Variants in AVEN observed in about 807,000 individuals in gnomAD.
AVEN encodes the protein cell death regulator Aven.
Under a neutral mutation model 38.1 loss-of-function variants are expected in AVEN, and 41 were observed. That is an observed-to-expected ratio of 1.08 (90% CI 0.84 to 1.40). The LOEUF (loss-of-function observed/expected upper bound fraction) is 1.40, where lower values mean the gene tolerates loss of function less well. Ranked by LOEUF, AVEN falls within the 40% of genes most tolerant of loss-of-function variation. The pLI is 0.00. For synonymous variants in AVEN, 206 were observed against 171.8 expected (o/e 1.20, Z -1.56); for missense variants, 605 against 438.8 (o/e 1.38, Z -3.38).
chr15:33,865,519 T>C (rs888600623), downstream of AVEN: 2 of 337,502 alleles, frequency 5.9e-6, no homozygotes, highest in African/African-American at 2.1e-5. Flanking sequence ...GTTCAGTTTG[T>C]TGGGATGGAA....
At chr15:33,982,051 G>C in intron 2 of AVEN, among the ~76,000 whole-genome samples, 1 of 150,750 alleles carries the variant, frequency 6.6e-6, no homozygotes, top group East Asian at 1.9e-4. Flanking sequence ...TTTATTAGTA[G>C]AGACAAGATT....
At chr15:34,021,851 A>C (rs966511034) in intron 1 of AVEN, among the ~76,000 whole-genome samples, 3 of 152,040 alleles carry the variant, frequency 2.0e-5, no homozygotes, top group Non-Finnish European at 4.4e-5. Context: ...GCAAGACTCC[A>C]TCTCAAAAAT....
At chr15:33,889,325 C>T (rs183880243) in intron 2 of AVEN, among the ~76,000 whole-genome samples, 1 of 152,288 alleles carries the variant, frequency 6.6e-6, no homozygotes, top group Admixed American at 6.5e-5. Flanking sequence ...AAAACCTTTT[C>T]CCACCAATGC....
chr15:33,936,248 A>G (rs576899836), intron 2 of AVEN, among the ~76,000 whole-genome samples: 1 of 152,342 alleles, frequency 6.6e-6, no homozygotes, highest in African/African-American at 2.4e-5. Flanking sequence ...AACTCTGCAT[A>G]CAGACAACAC....
At chr15:33,916,236 T>C (rs1475927455) in intron 2 of AVEN, among the ~76,000 whole-genome samples, 1 of 152,056 alleles carries the variant, frequency 6.6e-6, no homozygotes, top group East Asian at 1.9e-4. Flanking sequence ...ACTTGTGCAA[T>C]AAACAAAACT....
intron 2 of AVEN, among the ~76,000 whole-genome samples, chr15:33,881,859 A>G (rs919205350): frequency 6.6e-6 from 1 of 152,214 alleles, no homozygotes. Context: ...TACTAAACAC[A>G]TGGTGGATCT....
downstream of AVEN, among the ~76,000 whole-genome samples, chr15:33,855,357 C>A (rs183074392): frequency 1.8e-4 from 28 of 152,324 alleles, no homozygotes; most frequent in East Asian, 4.6e-3. Flanking sequence ...GCACATGCCA[C>A]CATGCCCGGC....
chr15:33,889,430 C>T (rs1417017939), intron 2 of AVEN, among the ~76,000 whole-genome samples: 2 of 152,150 alleles, frequency 1.3e-5, no homozygotes, highest in Non-Finnish European at 1.5e-5. Flanking sequence ...TTTGTGCACA[C>T]TATGAGCTTA....
chr15:33,917,407 TACTATATATATACACAC>T (rs1893183662), intron 2 of AVEN, among the ~76,000 whole-genome samples: 2 of 147,116 alleles, frequency 1.4e-5, no homozygotes, highest in African/African-American at 5.0e-5. Context: ...CATGGAATAC[TACTATATATATACACAC>T]ACTATATATA....
downstream of AVEN, chr15:33,864,901 T>TG (rs1257428842): frequency 2.1e-6 from 1 of 484,726 alleles, no homozygotes; most frequent in African/African-American, 1.9e-5. Flanking sequence ...TTTGCTTGTT[T>TG]GGGGCAGAGG....
the AVEN span, chr15:33,852,629 A>T: frequency 6.0e-6 from 1 of 165,370 alleles, no homozygotes; most frequent in African/African-American, 2.4e-5. Flanking sequence ...CACATCCCGC[A>T]TCGCCATTAT....
At chr15:33,856,396 A>G (rs2079663232), downstream of AVEN, 2 of 152,320 alleles carry the variant, frequency 1.3e-5, no homozygotes, top group East Asian at 3.9e-4. Flanking sequence ...CTAGTCCTTG[A>G]GAGAGGTCAG....
intron 2 of AVEN, among the ~76,000 whole-genome samples, chr15:33,939,032 A>G (rs512514): frequency 0.59 from 89,825 of 152,002 alleles, 28,883 homozygotes; most frequent in East Asian, 0.77. Context: ...TAGTAGAGAC[A>G]GGGTTTCACC....
chr15:33,884,226 C>T (rs1891606528), intron 2 of AVEN, among the ~76,000 whole-genome samples: 2 of 152,126 alleles, frequency 1.3e-5, no homozygotes, highest in Non-Finnish European at 1.5e-5. Flanking sequence ...TCTTGGCTAT[C>T]TTGAGTTCCC....
At chr15:34,031,634 T>C (rs1335874707) in intron 1 of AVEN, among the ~76,000 whole-genome samples, 3 of 152,224 alleles carry the variant, frequency 2.0e-5, no homozygotes, top group African/African-American at 7.2e-5. Flanking sequence ...ATTAATCTCC[T>C]ATTTTTTTTT....
chr15:34,040,554 A>T (rs1899428423), upstream of AVEN, among the ~76,000 whole-genome samples: 1 of 152,226 alleles, frequency 6.6e-6, no homozygotes, highest in African/African-American at 2.4e-5. Context: ...TGGGACTAAT[A>T]GCTGGCCTAC....
rs150934249 is a variant in AVEN, at chr15:33,868,401, G to A, written c.613-546C>T. Among the ~76,000 whole-genome samples the A allele has an allele frequency of 3.0e-3, 453 of 151,238 alleles. 3 individuals are homozygous for A. The highest frequency in any genetic ancestry group is 9.5e-3 in the African/African-American group (392 of 41,366). On this transcript the variant is annotated intron_variant, in intron 4 of 5. Coordinates refer to ENST00000306730, the MANE Select transcript of AVEN (RefSeq NM_020371.3). ...AAACAAACAAAAAACAAAAAAATTAGCCAGGAGTGGTGGAGAGTGTCTAGT... is the reference window on the plus strand; with the variant it reads ...AAACAAACAAAAAACAAAAAAATTAACCAGGAGTGGTGGAGAGTGTCTAGT...
At chr15:34,029,890 T>A (rs1171917300) in intron 1 of AVEN, among the ~76,000 whole-genome samples, 1 of 152,182 alleles carries the variant, frequency 6.6e-6, no homozygotes, top group Non-Finnish European at 1.5e-5. Flanking sequence ...AAAAATGATG[T>A]TGAAACATTC....
At chr15:33,983,200 GTATATATA>G (rs769965010) in intron 2 of AVEN, among the ~76,000 whole-genome samples, 929 of 63,954 alleles carry the variant, frequency 0.015, 18 homozygotes, top group African/African-American at 0.054. Flanking sequence ...GTATGTGTGT[GTATATATA>G]TATATACATA....
Sources: gnomAD v4.1 joint callset for allele counts (sites outside exome capture counted in the v4.1 genomes callset) on GRCh38, gnomAD v4.1.1 for gene constraint, MANE v1.5 for transcripts, NCBI Gene and HGNC (gene_info 2026-07-23, HGNC 2026-07-21) for gene names.